Variants in FHAD1 observed in about 807,000 individuals in gnomAD.
FHAD1 encodes the protein forkhead-associated domain-containing protein 1.
FHAD1 carries 146 observed loss-of-function variants against 191.3 expected under a neutral mutation model. The observed-to-expected ratio is 0.76, with a 90% confidence interval of 0.67 to 0.88. The LOEUF (loss-of-function observed/expected upper bound fraction) is 0.88, where lower values mean the gene tolerates loss of function less well. FHAD1 is among the 40% of genes least tolerant of loss of function. FHAD1 has a pLI of 0.00. For missense variants in FHAD1, 1,635 were observed against 1,785.8 expected, an observed-to-expected ratio of 0.92 and a Z score of 1.52; for synonymous variants, 616 against 672.3, an observed-to-expected ratio of 0.92 and a Z score of 1.29.
chr1:15,344,614 C>T (rs1347884084), intron 16 of FHAD1, among the ~76,000 whole-genome samples: 1 of 152,196 alleles, frequency 6.6e-6, no homozygotes, highest in Non-Finnish European at 1.5e-5. Context: ...GTTTGCTAAC[C>T]TCTGGTTTAG....
At chr1:15,373,569 T>G (rs773028537) in intron 26 of FHAD1, among the ~76,000 whole-genome samples, 31 of 150,678 alleles carry the variant, frequency 2.1e-4, no homozygotes, top group Admixed American at 3.3e-4. Context: ...AACCCAACTC[T>G]AGGCTGGTTA....
intron 14 of FHAD1, among the ~76,000 whole-genome samples, chr1:15,338,434 G>A (rs1477898094): frequency 6.6e-6 from 1 of 152,062 alleles, no homozygotes; most frequent in Non-Finnish European, 1.5e-5. Flanking sequence ...TCTGTCTGTG[G>A]TCAAGCCTCC....
At chr1:15,265,389 T>C (rs1652948377) in intron 2 of FHAD1, among the ~76,000 whole-genome samples, 1 of 151,998 alleles carries the variant, frequency 6.6e-6, no homozygotes, top group African/African-American at 2.4e-5. Context: ...TTCAGCAGAG[T>C]GGAGCTTGTA....
intron 3 of FHAD1, among the ~76,000 whole-genome samples, chr1:15,278,278 TA>T (rs1158138513): frequency 2.0e-5 from 3 of 152,152 alleles, no homozygotes; most frequent in Non-Finnish European, 4.4e-5. Context: ...CCTCCACTCA[TA>T]ACACTATGCT....
Position 15,289,392 on chromosome 1 carries a change from C to T in FHAD1, c.301-7C>T. On this transcript the variant is annotated splice_polypyrimidine_tract_variant and splice_region_variant and intron_variant, in intron 3 of 33. Transcript: ENST00000688493. The surrounding 1 kb of genome is among the most constrained non-coding windows in gnomAD (Gnocchi z 4.2). ...TAACCTCCCCTGACCCTTGTCTGCC[C>T]CTGCAGGTCTCTTTCCCATGGATGA... The T allele has an allele frequency of 1.9e-6, 3 of 1,550,846 alleles. No homozygotes were observed. The highest frequency in any genetic ancestry group is 1.2e-5 in the South Asian group (1 of 84,006).
intron 33 of FHAD1, among the ~76,000 whole-genome samples, chr1:15,394,593 G>A (rs975771829): frequency 3.3e-5 from 5 of 152,170 alleles, no homozygotes; most frequent in Admixed American, 6.5e-5. Context: ...CAGGCCTCAG[G>A]AGGTGATTTT....
downstream of FHAD1, among the ~76,000 whole-genome samples, chr1:15,398,377 A>G (rs901543947): frequency 6.6e-6 from 1 of 152,048 alleles, no homozygotes; most frequent in Non-Finnish European, 1.5e-5. Context: ...GCACTCTACA[A>G]TTTTCAAAAC....
rs902215630 is a variant in FHAD1, at chr1:15,391,196, T to C, written c.4270-14T>C. On this transcript the variant is annotated splice_polypyrimidine_tract_variant and intron_variant, in intron 32 of 33. Coordinates refer to ENST00000688493, the MANE Select transcript of FHAD1 (RefSeq NM_001391957.1). ...TCTAAGCTAGATTTTGTTCTTATTC[T>C]TTCTGTATTGAAGAGACGAGTATTT... 9.0e-5 allele frequency: 114 copies of C among 1,266,322 alleles called. No homozygotes were observed. Among genetic ancestry groups the C allele is most frequent in the Non-Finnish European group, 1.1e-4 (112 of 976,050 alleles). 78.4% of individuals were successfully genotyped at this position (1,266,322 alleles called of 1,614,324 possible). A position where few individuals can be genotyped will look rare whatever the true frequency, so the allele number is the denominator to read the frequency against.
intron 13 of FHAD1, chr1:15,328,635 A>G (rs1679899002): frequency 2.4e-6 from 1 of 419,922 alleles, no homozygotes; most frequent in Admixed American, 4.3e-5. Context: ...TGGCGTGTCC[A>G]AAAAAGATGC....
chr1:15,323,850 T>G (rs527921356), intron 10 of FHAD1, among the ~76,000 whole-genome samples: 2 of 152,216 alleles, frequency 1.3e-5, no homozygotes, highest in Non-Finnish European at 2.9e-5. Context: ...TACTAGCCAT[T>G]GCTTAGCTCC....
At chr1:15,283,238 T>A (rs1471964110) in intron 3 of FHAD1, among the ~76,000 whole-genome samples, 1 of 152,152 alleles carries the variant, frequency 6.6e-6, no homozygotes, top group Non-Finnish European at 1.5e-5. Context: ...CTGGTGGGCG[T>A]GTCTTATGAA....
At chr1:15,319,926 G>C (rs1003942432) in intron 10 of FHAD1, among the ~76,000 whole-genome samples, 12 of 152,286 alleles carry the variant, frequency 7.9e-5, no homozygotes, top group African/African-American at 2.9e-4. Flanking sequence ...AAATGAACTT[G>C]CTATGGTATA....
Position 15,360,697 on chromosome 1 carries a change from G to A in FHAD1, c.2956G>A (p.Asp986Asn), listed in dbSNP as rs140410214. Reference protein sequence around the residue: ...EGEIATLKDNDPAPKEERPQD... With the variant: ...EGEIATLKDNNPAPKEERPQD... ...CGAGATTGCAACATTGAAGGACAAT[G>A]ACCCAGGTAAGTCCGAAGGGAGGCC... Residue 986 changes from aspartate (D) to asparagine (N), a missense_variant, in exon 22 of 34, where the codon GAC (aspartate) becomes AAC (asparagine). Physicochemically the swap from Asp to Asn is conservative, Grantham distance 23. Coordinates refer to ENST00000688493, the MANE Select transcript of FHAD1 (RefSeq NM_001391957.1). 8 of 1,551,468 alleles carry A rather than the reference G, an allele frequency of 5.2e-6. No individual in the cohort carries two copies. In the East Asian group the frequency reaches 2.0e-4, roughly 38 times the overall value.
chr1:15,258,859 A>G (rs1649636912), intron 2 of FHAD1, among the ~76,000 whole-genome samples: 1 of 151,960 alleles, frequency 6.6e-6, no homozygotes, highest in African/African-American at 2.4e-5. Context: ...AAGTGCTGTA[A>G]TTACAGGTGT....
intron 5 of FHAD1, among the ~76,000 whole-genome samples, chr1:15,299,217 AG>A (rs1558041937): frequency 5.7e-5 from 8 of 140,348 alleles, no homozygotes; most frequent in East Asian, 2.0e-4. Context: ...AAAAAAAAAA[AG>A]GAAAAAAAAA....
rs1183071693 is a variant in FHAD1, at chr1:15,313,717, G to A, written c.1170+530G>A. ...CTTTCATTTCTTCCCTTAGACTTTAGTGTGGGTAAGAATATTCTGTGTGGA... is the reference window on the plus strand; with the variant it reads ...CTTTCATTTCTTCCCTTAGACTTTAATGTGGGTAAGAATATTCTGTGTGGA... On this transcript the variant is annotated intron_variant, in intron 8 of 33. Coordinates refer to ENST00000688493, the MANE Select transcript of FHAD1 (RefSeq NM_001391957.1). 2.6e-5 allele frequency among the ~76,000 whole-genome samples: 4 copies of A among 152,254 alleles called. No individual in the cohort carries two copies. In the East Asian group the frequency reaches 5.8e-4, roughly 22 times the overall value.
chr1:15,376,658 C>G (rs549425576), intron 28 of FHAD1, among the ~76,000 whole-genome samples: 1 of 152,246 alleles, frequency 6.6e-6, no homozygotes, highest in South Asian at 2.1e-4. Context: ...GACAAAAATA[C>G]TGAAGGAGAT....
chr1:15,393,726 C>T (rs1570672729), intron 33 of FHAD1, among the ~76,000 whole-genome samples: 1 of 151,938 alleles, frequency 6.6e-6, no homozygotes, highest in Non-Finnish European at 1.5e-5. Context: ...CCTCAGCCTC[C>T]CAAAGTGCTG....
At chr1:15,376,161 C>A (rs1009071677) in intron 28 of FHAD1, among the ~76,000 whole-genome samples, 16 of 150,890 alleles carry the variant, frequency 1.1e-4, no homozygotes, top group African/African-American at 3.9e-4. Context: ...ACTATCTTGG[C>A]TCACTGCAAG....
Sources: gnomAD v4.1 joint callset for allele counts (sites outside exome capture counted in the v4.1 genomes callset) on GRCh38, gnomAD v4.1.1 for gene constraint, Gnocchi (gnomAD v3.1) non-coding constraint, MANE v1.5 for transcripts, NCBI Gene and HGNC (gene_info 2026-07-23, HGNC 2026-07-21) for gene names.